Variants in SNAPC3 observed in about 807,000 individuals in gnomAD.
SNAPC3 encodes the protein snRNA-activating protein complex subunit 3.
A neutral mutation model predicts 47.7 loss-of-function variants in SNAPC3; 56 were observed. The observed-to-expected ratio is 1.18, with a 90% CI of 0.95 to 1.47. The LOEUF (loss-of-function observed/expected upper bound fraction) is 1.47, where lower values mean the gene tolerates loss of function less well. SNAPC3 is among the 40% of genes most tolerant of loss of function. The pLI is 0.00. For synonymous variants in SNAPC3, 235 were observed against 189.9 expected (o/e 1.24, Z -1.95); for missense variants, 665 against 511.3 (o/e 1.30, Z -2.90).
intron 7 of SNAPC3, among the ~76,000 whole-genome samples, chr9:15,455,060 CGTCCTGAATTAAATATCTGT>C (rs2034675178): frequency 6.6e-6 from 1 of 152,298 alleles, no homozygotes; most frequent in South Asian, 2.1e-4. Context: ...AGCAGTAATT[CGTCCTGAATTAAATATCTGT>C]TTAACCAAAA....
In SNAPC3 at chr9:15,456,512, G is replaced by A. The variant is rs140358905; in HGVS notation, c.981-1448G>A. Among the ~76,000 whole-genome samples the A allele has an allele frequency of 8.8e-3, 1,338 of 152,062 alleles. 13 individuals carry two copies. The highest frequency in any genetic ancestry group is 0.013 in the Non-Finnish European group (854 of 67,998). On this transcript the variant is annotated intron_variant, in intron 7 of 8. Coordinates refer to ENST00000380821, the MANE Select transcript of SNAPC3 (RefSeq NM_001039697.2). ...AGAGGGGATGTCACTCTGTTGCTCA[G>A]GTTGGAGTGCAGTGGCAAAATCATG...
intron 2 of SNAPC3, among the ~76,000 whole-genome samples, chr9:15,432,969 C>T (rs1563841337): frequency 1.3e-5 from 2 of 152,096 alleles, no homozygotes; most frequent in South Asian, 4.1e-4. Context: ...AGGAACCTGG[C>T]AGACAGAAAC....
chr9:15,465,666 T>G, downstream of SNAPC3: 4 of 1,164,908 alleles, frequency 3.4e-6, no homozygotes, highest in Non-Finnish European at 4.9e-6. Flanking sequence ...ATTATATTTT[T>G]AAACCCATGA....
chr9:15,439,385 C>T (rs1449320575), intron 3 of SNAPC3, among the ~76,000 whole-genome samples: 2 of 152,074 alleles, frequency 1.3e-5, no homozygotes, highest in Non-Finnish European at 2.9e-5. Flanking sequence ...TCTATTGAAA[C>T]CTTAAAAAAT....
intron 2 of SNAPC3, among the ~76,000 whole-genome samples, chr9:15,425,637 G>T (rs2031275265): frequency 6.6e-6 from 1 of 152,132 alleles, no homozygotes; most frequent in African/African-American, 2.4e-5. Flanking sequence ...GTCCTTGAAG[G>T]CTCAATGAGA....
chr9:15,444,664 T>A lies in SNAPC3; in HGVS notation c.540T>A (p.Leu180=), dbSNP rs1587318580. 3 of 1,612,246 alleles carry A rather than the reference T, an allele frequency of 1.9e-6. No homozygotes were observed. Among genetic ancestry groups the A allele is most frequent in the Non-Finnish European group, 2.5e-6 (3 of 1,178,278 alleles). ...CAGACATGATTGAAGAAGGGGAGCT[T>A]ATCCTATCTGTGAATATCTTGTACC... is the stretch of plus-strand genomic sequence containing the variant. ...NSADMIEEGE[L]ILSVNILYPV... Residue 180 remains leucine, a synonymous_variant, in exon 4 of 9, where the codon CTT becomes CTA. Coordinates refer to ENST00000380821, the MANE Select transcript of SNAPC3 (RefSeq NM_001039697.2).
rs1437785038 is a variant in SNAPC3 at position 15,429,122 on chromosome 9, TACAAAG to T, written c.393-4429_393-4424del. ...TTCTGTGCAAAAAGAACATATAACTTACAAAGGCAAACTTACAAAAAGCATCACATG... is the reference window on the plus strand; with the variant it reads ...TTCTGTGCAAAAAGAACATATAACTTGCAAACTTACAAAAAGCATCACATG... On this transcript the variant is annotated intron_variant, in intron 2 of 8. Transcript: ENST00000380821. Among the ~76,000 whole-genome samples the T allele has an allele frequency of 2.6e-5, 4 of 152,168 alleles. No individual in the cohort carries two copies. The South Asian group carries it at 8.3e-4, about 32-fold the overall frequency.
rs1179571349 is a variant in SNAPC3, at chr9:15,433,404, C to G, written c.393-148C>G. On this transcript the variant is annotated intron_variant, in intron 2 of 8. Transcript: ENST00000380821. ...AAGTAAGATGTTGACATAAGGGAAG[C>G]TGAACAAGAGATAGAAGGGAACTTT... The G allele has an allele frequency of 2.2e-5, 14 of 626,284 alleles. No individual in the cohort carries two copies. In the East Asian group the frequency reaches 3.6e-4, roughly 16 times the overall value. The allele number at this position is 626,284 out of a possible 1,614,324, so 38.8% of individuals were successfully genotyped here. A position where few individuals can be genotyped will look rare whatever the true frequency, so the allele number is the denominator to read the frequency against.
chr9:15,458,062 A>C lies in SNAPC3; in HGVS notation c.1083A>C (p.Thr361=). Residue 361 remains threonine (T), a synonymous_variant, in exon 8 of 9, where the codon ACA becomes ACC. Coordinates refer to ENST00000380821, the MANE Select transcript of SNAPC3 (RefSeq NM_001039697.2). The stretch of plus-strand genomic sequence containing the variant: ...AATGTTTTGTTTGTAAAATGTATAC[A>C]GCCAGGTGAGTGATAATGTATTTTT... ...TRKCFVCKMY[T]ARWVTNNDSF... is the part of the protein sequence containing the mutation. The C allele has an allele frequency of 7.9e-6, 12 of 1,516,218 alleles. No homozygotes were observed. Among genetic ancestry groups the C allele is most frequent in the Non-Finnish European group, 1.1e-5 (12 of 1,125,348 alleles). 93.9% of individuals were successfully genotyped at this position (1,516,218 alleles called of 1,614,324 possible).
intron 7 of SNAPC3, among the ~76,000 whole-genome samples, chr9:15,456,922 T>A (rs1411136539): frequency 6.6e-6 from 1 of 152,228 alleles, no homozygotes; most frequent in Admixed American, 6.5e-5. Context: ...TATTTTCTGA[T>A]GGTGAAAGTT....
chr9:15,451,307 T>A lies in SNAPC3; in HGVS notation c.733-13T>A, dbSNP rs764823884. On this transcript the variant is annotated splice_polypyrimidine_tract_variant and intron_variant, in intron 5 of 8. Coordinates refer to ENST00000380821, the MANE Select transcript of SNAPC3 (RefSeq NM_001039697.2). ...TAGTTGATTTTCTCTCAATACAATC[T>A]GTTTTCTTGTAGGACCTATACAAAT... 2 of 1,106,012 alleles carry A rather than the reference T, an allele frequency of 1.8e-6. No individual in the cohort carries two copies. The highest frequency in any genetic ancestry group is 3.4e-5 in the South Asian group (2 of 59,290). The allele number at this position is 1,106,012 out of a possible 1,614,324, so 68.5% of individuals were successfully genotyped here. A position where few individuals can be genotyped will look rare whatever the true frequency, so the allele number is the denominator to read the frequency against.
chr9:15,456,074 A>C (rs1024715009), intron 7 of SNAPC3, among the ~76,000 whole-genome samples: 5 of 152,012 alleles, frequency 3.3e-5, no homozygotes, highest in Non-Finnish European at 4.4e-5. Flanking sequence ...GGGTTTCACC[A>C]TGTTGGTCAG....
downstream of SNAPC3, chr9:15,465,595 GA>G (rs768014936): frequency 6.4e-7 from 1 of 1,555,940 alleles, no homozygotes; most frequent in Admixed American, 1.8e-5. Context: ...AGAAAAGGGG[GA>G]AAGGTACAAC....
intron 3 of SNAPC3, among the ~76,000 whole-genome samples, chr9:15,443,557 A>G (rs1270481653): frequency 6.6e-6 from 1 of 152,180 alleles, no homozygotes; most frequent in East Asian, 1.9e-4. Context: ...GTGATCTGAC[A>G]AAGATTTCCT....
At chr9:15,465,674 T>A (rs1165387574), downstream of SNAPC3, 1 of 1,002,500 alleles carries the variant, frequency 1.0e-6, no homozygotes, top group Non-Finnish European at 1.5e-6. Context: ...TTTAAACCCA[T>A]GAAAAGACTG....
At chr9:15,465,422 A>G (rs2035550337), downstream of SNAPC3, 2 of 1,113,150 alleles carry the variant, frequency 1.8e-6, no homozygotes, top group South Asian at 2.8e-5. Context: ...TTCAACATCA[A>G]ACCTATGCTT....
intron 7 of SNAPC3, among the ~76,000 whole-genome samples, chr9:15,457,494 C>G (rs2034883063): frequency 6.6e-6 from 1 of 152,120 alleles, no homozygotes; most frequent in African/African-American, 2.4e-5. Flanking sequence ...ACTGGAGAGG[C>G]TGAGGTGGGA....
intron 7 of SNAPC3, 108 bp downstream of exon 7, chr9:15,453,313 T>C (rs1160175019): frequency 1.3e-5 from 11 of 841,876 alleles, no homozygotes; most frequent in Non-Finnish European, 1.8e-5. Context: ...GTAATAACCA[T>C]TGCAACTTGG....
downstream of SNAPC3, chr9:15,466,695 TAAA>T (rs563230930): frequency 7.0e-7 from 1 of 1,420,678 alleles, no homozygotes; most frequent in African/African-American, 1.5e-5. Flanking sequence ...GAACTGTGAT[TAAA>T]AACCTGAATA....
Sources: allele counts gnomAD v4.1 joint callset (sites outside exome capture counted in the v4.1 genomes callset), GRCh38; gene constraint gnomAD v4.1.1; transcripts MANE v1.5; gene names NCBI Gene and HGNC (gene_info 2026-07-23, HGNC 2026-07-21).